The following ARFGEF3 variants were observed in gnomAD, a reference collection of about 807,000 sequenced individuals.
ARFGEF3 encodes the protein brefeldin A-inhibited guanine nucleotide-exchange protein 3.
Under a neutral mutation model 221.7 loss-of-function variants are expected in ARFGEF3, and 96 were observed. The ratio of observed to expected loss-of-function variants is 0.43; its 90% CI spans 0.37 to 0.51. The LOEUF (loss-of-function observed/expected upper bound fraction) is 0.51, where lower values mean the gene tolerates loss of function less well. Ranked by LOEUF, ARFGEF3 falls within the 20% of genes least tolerant of loss-of-function variation. ARFGEF3 has a pLI of 0.00. For missense variants in ARFGEF3, 2,410 were observed against 2,789.9 expected, an observed-to-expected ratio of 0.86 and a Z score of 3.07; for synonymous variants, 1,145 against 1,126.8, an observed-to-expected ratio of 1.02 and a Z score of -0.32.
At chr6:138,182,186 G>A (rs1777089986) in intron 2 of ARFGEF3, among the ~76,000 whole-genome samples, 2 of 152,216 alleles carry the variant, frequency 1.3e-5, no homozygotes, top group Non-Finnish European at 2.9e-5. Context: ...CCAGGGCAGA[G>A]CCAGGGCTGC....
intron 4 of ARFGEF3, among the ~76,000 whole-genome samples, chr6:138,222,649 G>A (rs1388158442): frequency 2.0e-5 from 3 of 152,138 alleles, no homozygotes; most frequent in African/African-American, 4.8e-5. Context: ...TCTAACATGC[G>A]AATAGTGCTG....
At chr6:138,265,145 C>A (rs537709322) in intron 12 of ARFGEF3, among the ~76,000 whole-genome samples, 3 of 152,024 alleles carry the variant, frequency 2.0e-5, no homozygotes, top group African/African-American at 7.2e-5. Context: ...CCTTGTGATC[C>A]GCCCGCCTTG....
At position 138,261,589 on chromosome 6, in the gene ARFGEF3, C is replaced by A; in HGVS notation, c.1167C>A (p.Ser389=). ...GACCCAGCTCCACTGAATCAGAGTC[C>A]AGAAAAAGATCAATTTCAAAAAGAA... ...LAGPSSTESE[S]RKRSISKRKS... Residue 389 remains serine (S), a synonymous_variant, in exon 11 of 34, where the codon TCC becomes TCA. Transcript: ENST00000251691. 6.3e-7 allele frequency: 1 copy of A among 1,578,052 alleles called. No individual in the cohort carries two copies.
At chr6:138,251,604 C>T (rs946454621) in intron 8 of ARFGEF3, among the ~76,000 whole-genome samples, 8 of 152,094 alleles carry the variant, frequency 5.3e-5, no homozygotes, top group African/African-American at 1.7e-4. Context: ...CCTTCCTGAT[C>T]GGGCCTCTGT....
chr6:138,170,688 G>T lies in ARFGEF3; in HGVS notation c.112G>T (p.Val38Phe). Residue 38 changes from valine (V) to phenylalanine (F), a missense_variant, in exon 2 of 34, where the codon GTC (valine) becomes TTC (phenylalanine). Transcript: ENST00000251691. Reference protein sequence around the residue: ...LETLGGLDTIVKIPPHVLREK... With the variant: ...LETLGGLDTIFKIPPHVLREK... The stretch of plus-strand genomic sequence containing the variant: ...AACTCTAGGTGGTCTGGATACCATT[G>T]TCAAGATCCCTCCACATGTACTGAG... 1 of 1,587,868 alleles carries T rather than the reference G, an allele frequency of 6.3e-7. No homozygotes were observed.
Position 138,263,559 on chromosome 6 carries a change from T to G in ARFGEF3, c.2076T>G (p.Asn692Lys), listed in dbSNP as rs773486560. The change falls in exon 12 of 34, where the codon AAT becomes AAG. Residue 692 changes from asparagine (N) to lysine (K), a missense_variant. By Grantham distance (94) the Asn-to-Lys change is moderately conservative (BLOSUM62 0). Around this residue, in one of 5 missense-constraint regions of ARFGEF3, gnomAD observed 594 missense variants for 734.3 expected, o/e 0.81. Coordinates refer to ENST00000251691, the MANE Select transcript of ARFGEF3 (RefSeq NM_020340.5). ...GLLPRLLSLS[N>K]VEEVDTALQN... ...TCCCTCGGCTCCTGTCTCTCTCCAA[T>G]GTAGAGGAGGTGGACACCGCTCTGC... 1.9e-6 allele frequency: 3 copies of G among 1,612,496 alleles called. No homozygotes were observed. Among genetic ancestry groups the G allele is most frequent in the East Asian group, 2.2e-5 (1 of 44,882 alleles).
At chr6:138,323,826 C>G in intron 30 of ARFGEF3, 53 bp downstream of exon 30, 1 of 1,586,204 alleles carries the variant, frequency 6.3e-7, no homozygotes, top group Non-Finnish European at 8.7e-7. Context: ...ATCTTTAGCT[C>G]CTGATCCCTT....
chr6:138,225,406 C>T (rs112456756), intron 4 of ARFGEF3, among the ~76,000 whole-genome samples: 22 of 152,320 alleles, frequency 1.4e-4, no homozygotes, highest in African/African-American at 4.6e-4. Flanking sequence ...CCAGTGTTGG[C>T]GCTTTGTTCA....
chr6:138,193,154 C>G (rs1377801866), intron 2 of ARFGEF3, among the ~76,000 whole-genome samples: 1 of 152,188 alleles, frequency 6.6e-6, no homozygotes, highest in East Asian at 1.9e-4. Context: ...CCTATCAGGT[C>G]ACAATGGGAC....
chr6:138,230,151 C>T (rs1195521151), intron 5 of ARFGEF3, among the ~76,000 whole-genome samples: 1 of 152,070 alleles, frequency 6.6e-6, no homozygotes, highest in Non-Finnish European at 1.5e-5. Context: ...ATTGCTTTCT[C>T]GGTCTAATTT....
chr6:138,263,750 G>A, intron 12 of ARFGEF3, 139 bp downstream of exon 12: 1 of 809,478 alleles, frequency 1.2e-6, no homozygotes, highest in Non-Finnish European at 1.9e-6. Flanking sequence ...GTTTAAAGAG[G>A]GCGAAGAAAT....
chr6:138,213,759 A>G (rs1777780881), intron 4 of ARFGEF3, among the ~76,000 whole-genome samples: 1 of 152,094 alleles, frequency 6.6e-6, no homozygotes, highest in East Asian at 1.9e-4. Flanking sequence ...AGGATTGGGG[A>G]AAAATATTTC....
chr6:138,328,000 T>C (rs915407374), intron 31 of ARFGEF3, 21 bp from the exon 32 acceptor site: 4 of 1,549,434 alleles, frequency 2.6e-6, no homozygotes, highest in African/African-American at 2.7e-5. Flanking sequence ...TTCTGAAATG[T>C]ACCTTTGCAC....
chr6:138,210,387 A>G (rs1254350340), intron 4 of ARFGEF3, among the ~76,000 whole-genome samples: 2 of 152,174 alleles, frequency 1.3e-5, no homozygotes, highest in Non-Finnish European at 2.9e-5. Flanking sequence ...AAAACAAAGC[A>G]ATAATAATAA....
At chr6:138,227,366 G>C (rs142390548) in intron 4 of ARFGEF3, among the ~76,000 whole-genome samples, 75 of 152,270 alleles carry the variant, frequency 4.9e-4, no homozygotes, top group African/African-American at 1.8e-3. Context: ...AGCAGCTCTT[G>C]CTCACAGAAA....
chr6:138,336,510 C>T lies in ARFGEF3; in HGVS notation c.*24C>T. The T allele has an allele frequency of 3.2e-6, 5 of 1,577,272 alleles. No homozygotes were observed. The highest frequency in any genetic ancestry group is 4.3e-6 in the Non-Finnish European group (5 of 1,159,328). ...AGCCGACTCCTGTTCTACTCTCCCA[C>T]CAAATAACAGTAGTGAGGGTTAGAG... On this transcript the variant is annotated 3_prime_UTR_variant, in exon 34 of 34. Transcript: ENST00000251691.
chr6:138,270,573 T>C (rs898647826), intron 12 of ARFGEF3, among the ~76,000 whole-genome samples: 11 of 152,268 alleles, frequency 7.2e-5, no homozygotes, highest in African/African-American at 2.6e-4. Context: ...CTGCATCACA[T>C]TGCCTACCTG....
At chr6:138,178,680 G>A (rs1381392321) in intron 2 of ARFGEF3, among the ~76,000 whole-genome samples, 2 of 152,080 alleles carry the variant, frequency 1.3e-5, no homozygotes, top group Non-Finnish European at 2.9e-5. Context: ...AAATGTTTGT[G>A]GGATGAAACT....
At chr6:138,222,195 G>A (rs918854576) in intron 4 of ARFGEF3, among the ~76,000 whole-genome samples, 3 of 152,104 alleles carry the variant, frequency 2.0e-5, no homozygotes, top group African/African-American at 7.2e-5. Context: ...AGCCACATCG[G>A]AAGAAGAATT....
Sources: allele counts gnomAD v4.1 joint callset (sites outside exome capture counted in the v4.1 genomes callset), GRCh38; gene constraint gnomAD v4.1.1; regional missense constraint gnomAD v4.1.1; transcripts MANE v1.5; gene names NCBI Gene and HGNC (gene_info 2026-07-23, HGNC 2026-07-21).